The following LRRC38 variants were observed in gnomAD, a reference collection of about 807,000 sequenced individuals.
The protein encoded by LRRC38 is leucine rich repeat containing 38.
A neutral mutation model predicts 16.4 loss-of-function variants in LRRC38; 5 were observed. That is an observed-to-expected ratio of 0.31 (90% CI 0.16 to 0.64). LRRC38 has a LOEUF of 0.64. LRRC38 is among the 30% of genes least tolerant of loss of function. The probability of loss-of-function intolerance (pLI) is 0.80; values close to 1 mark genes in which losing one functional copy is unlikely to be tolerated. For synonymous variants in LRRC38, 191 were observed against 190.2 expected (o/e 1.00, Z -0.04); for missense variants, 341 against 401.8 (o/e 0.85, Z 1.29).
chr1:13,495,199 G>A (rs553874393), intron 1 of LRRC38, among the ~76,000 whole-genome samples: 2 of 152,302 alleles, frequency 1.3e-5, no homozygotes, highest in South Asian at 2.1e-4. Flanking sequence ...TGACATACAC[G>A]GTGGGACAGC....
intron 1 of LRRC38, among the ~76,000 whole-genome samples, chr1:13,477,884 G>A (rs1334063320): frequency 6.6e-6 from 1 of 152,160 alleles, no homozygotes; most frequent in Non-Finnish European, 1.5e-5. Flanking sequence ...AGGGGTAGCT[G>A]AGTGAACATA....
chr1:13,476,039 A>G lies in LRRC38; in HGVS notation c.692T>C (p.Leu231Pro). ...ACACTCGCTGAAGCTGGCCTCCGAC[A>G]GCTCACGCAGGGATATCCTCCTGCT... ...MESRRISLRE[L>P]SEASFSECRF... The change falls in exon 2 of 2, where the codon CTG (leucine) becomes CCG (proline). Residue 231 changes from leucine (L) to proline (P), a missense_variant. Coordinates refer to ENST00000376085, the MANE Select transcript of LRRC38 (RefSeq NM_001010847.2). 1 of 1,550,506 alleles carries G rather than the reference A, an allele frequency of 6.4e-7. No homozygotes were observed.
At chr1:13,505,438 G>A (rs36004072) in intron 1 of LRRC38, among the ~76,000 whole-genome samples, 2,379 of 152,302 alleles carry the variant, frequency 0.016, 42 homozygotes, top group Admixed American at 0.054. Flanking sequence ...AAGCCACCGA[G>A]GGGTATTTGC....
At chr1:13,489,251 G>C (rs1638978353) in intron 1 of LRRC38, among the ~76,000 whole-genome samples, 1 of 152,138 alleles carries the variant, frequency 6.6e-6, no homozygotes, top group South Asian at 2.1e-4. Context: ...CTGGCTAAGA[G>C]AGCCCAGCCT....
At chr1:13,496,649 C>T (rs2100510218) in intron 1 of LRRC38, among the ~76,000 whole-genome samples, 1 of 152,270 alleles carries the variant, frequency 6.6e-6, no homozygotes, top group East Asian at 1.9e-4. Flanking sequence ...TTCATCCCTT[C>T]AACACATACG....
intron 1 of LRRC38, among the ~76,000 whole-genome samples, chr1:13,495,528 G>T (rs1196793527): frequency 6.6e-6 from 1 of 152,018 alleles, no homozygotes; most frequent in African/African-American, 2.4e-5. Flanking sequence ...TATCAAAGCA[G>T]GTGCAGTCAC....
At chr1:13,478,327 G>A (rs1037451236) in intron 1 of LRRC38, among the ~76,000 whole-genome samples, 3 of 152,198 alleles carry the variant, frequency 2.0e-5, no homozygotes, top group Non-Finnish European at 4.4e-5. Context: ...ATCTTATGAG[G>A]TAAGTACTGT....
At chr1:13,508,220 G>A (rs1026794029) in intron 1 of LRRC38, among the ~76,000 whole-genome samples, 1 of 152,196 alleles carries the variant, frequency 6.6e-6, no homozygotes, top group African/African-American at 2.4e-5. Context: ...CTGGGTGGCA[G>A]AGCAAGACCC....
At chr1:13,499,352 G>A (rs12567552) in intron 1 of LRRC38, among the ~76,000 whole-genome samples, 22,788 of 152,104 alleles carry the variant, frequency 0.15, 1,878 homozygotes, top group East Asian at 0.2. Flanking sequence ...ACCCGCCCCG[G>A]CCTCCCAAAG....
chr1:13,491,867 G>A (rs1639016258), intron 1 of LRRC38, among the ~76,000 whole-genome samples: 1 of 152,084 alleles, frequency 6.6e-6, no homozygotes, highest in Non-Finnish European at 1.5e-5. Context: ...GCACAGACAG[G>A]GTTTCATCAT....
chr1:13,491,969 C>T (rs1044372133), intron 1 of LRRC38, among the ~76,000 whole-genome samples: 20 of 152,150 alleles, frequency 1.3e-4, no homozygotes, highest in African/African-American at 4.3e-4. Flanking sequence ...AGCCCCAGCG[C>T]CCGGCCAAAT....
chr1:13,481,612 G>A (rs1295680607), intron 1 of LRRC38, among the ~76,000 whole-genome samples: 1 of 151,328 alleles, frequency 6.6e-6, no homozygotes, highest in East Asian at 2.0e-4. Flanking sequence ...AGCCAGGATT[G>A]TCTCCACCTC....
intron 1 of LRRC38, among the ~76,000 whole-genome samples, chr1:13,483,688 C>T (rs1638895620): frequency 6.6e-6 from 1 of 152,170 alleles, no homozygotes; most frequent in Non-Finnish European, 1.5e-5. Flanking sequence ...CCTGTGTGAC[C>T]CTGGGCCAGG....
intron 1 of LRRC38, among the ~76,000 whole-genome samples, chr1:13,481,413 A>T: frequency 6.9e-6 from 1 of 144,160 alleles, no homozygotes; most frequent in Non-Finnish European, 1.5e-5. Context: ...TTTTTTTGAG[A>T]TGGAGTCTCG....
At chr1:13,507,647 C>T (rs911953469) in intron 1 of LRRC38, among the ~76,000 whole-genome samples, 1 of 151,862 alleles carries the variant, frequency 6.6e-6, no homozygotes, top group East Asian at 2.0e-4. Flanking sequence ...GCCTGGCCAA[C>T]ATGGTGAAAC....
At chr1:13,485,443 C>A (rs1388262170) in intron 1 of LRRC38, among the ~76,000 whole-genome samples, 2 of 151,750 alleles carry the variant, frequency 1.3e-5, no homozygotes, top group Admixed American at 1.3e-4. Flanking sequence ...TGGTGGCGGG[C>A]GACTGTCCCA....
intron 1 of LRRC38, among the ~76,000 whole-genome samples, chr1:13,499,819 G>A (rs55659214): frequency 2.6e-5 from 4 of 152,124 alleles, no homozygotes; most frequent in Admixed American, 1.3e-4. Flanking sequence ...GAGGTTGCTC[G>A]CAGTAGGTAT....
chr1:13,498,255 A>C (rs1043620135), intron 1 of LRRC38, among the ~76,000 whole-genome samples: 31 of 152,136 alleles, frequency 2.0e-4, no homozygotes, highest in African/African-American at 4.6e-4. Context: ...AAAACAAAAA[A>C]AAAAAGAGCC....
Position 13,513,647 on chromosome 1 carries a change from C to A in LRRC38, c.-54G>T. 1 of 1,033,310 alleles carries A rather than the reference C, an allele frequency of 9.7e-7. No homozygotes were observed. The highest frequency in any genetic ancestry group is 4.5e-5 in the South Asian group (1 of 22,284). 64.0% of individuals were successfully genotyped at this position (1,033,310 alleles called of 1,614,324 possible). A position where few individuals can be genotyped will look rare whatever the true frequency, so the allele number is the denominator to read the frequency against. On this transcript the variant is annotated 5_prime_UTR_variant, in exon 1 of 2. Transcript: ENST00000376085. ...AGAAGGAAGCGGCTCTCGGAGCGAG[C>A]CCTGGCGCGGGACGGCGCGGTGAGG...
Sources: allele counts gnomAD v4.1 joint callset (sites outside exome capture counted in the v4.1 genomes callset), GRCh38; gene constraint gnomAD v4.1.1; transcripts MANE v1.5; gene names NCBI Gene and HGNC (gene_info 2026-07-23, HGNC 2026-07-21).